Variants in KCNT2 observed in about 807,000 individuals in gnomAD.
KCNT2 encodes the protein potassium channel subfamily T member 2.
In KCNT2, 67 loss-of-function variants were observed where a neutral mutation model predicts 153.8. That is an observed-to-expected ratio of 0.44 (90% confidence interval 0.36 to 0.53). KCNT2 has a LOEUF of 0.53. KCNT2 is among the 20% of genes least tolerant of loss of function. The probability of loss-of-function intolerance (pLI) is 0.00; values close to 1 mark genes in which losing one functional copy is unlikely to be tolerated. For synonymous variants in KCNT2, 500 were observed against 458.8 expected (o/e 1.09, Z -1.15); for missense variants, 975 against 1,354.8 (o/e 0.72, Z 4.40).
intron 22 of KCNT2, among the ~76,000 whole-genome samples, chr1:196,298,897 G>A (rs1035797520): frequency 6.6e-6 from 1 of 150,554 alleles, no homozygotes; most frequent in Non-Finnish European, 1.5e-5. Flanking sequence ...CAGGGACAAA[G>A]ACCAAGTATT....
chr1:196,269,204 A>C (rs1243692198), intron 25 of KCNT2, among the ~76,000 whole-genome samples: 1 of 152,228 alleles, frequency 6.6e-6, no homozygotes, highest in African/African-American at 2.4e-5. Flanking sequence ...GTTAAGAAAG[A>C]TATCTGTGAT....
At chr1:196,330,801 G>A (rs1664385238) in intron 18 of KCNT2, among the ~76,000 whole-genome samples, 1 of 151,938 alleles carries the variant, frequency 6.6e-6, no homozygotes, top group African/African-American at 2.4e-5. Flanking sequence ...ATTCCATAAT[G>A]AGATATAAAG....
chr1:196,287,439 C>A (rs1659769464), intron 22 of KCNT2, among the ~76,000 whole-genome samples: 1 of 135,186 alleles, frequency 7.4e-6, no homozygotes. Flanking sequence ...ATTTACTCTT[C>A]AAAACAAACA....
rs1023064287 is a variant in KCNT2 at position 196,395,191 on chromosome 1, T to C, written c.1294+3372A>G. Among the ~76,000 whole-genome samples the C allele has an allele frequency of 2.6e-5, 4 of 151,646 alleles. No individual in the cohort carries two copies. In the South Asian group the frequency reaches 6.2e-4, roughly 24 times the overall value. On this transcript the variant is annotated intron_variant, in intron 13 of 27. Transcript: ENST00000294725. ...AATATTTTATATAATTTTTCAACTCTGTTAACCAATTAAGTTAGACTCTAA... is the reference window on the plus strand; with the variant it reads ...AATATTTTATATAATTTTTCAACTCCGTTAACCAATTAAGTTAGACTCTAA...
At chr1:196,263,499 TA>T (rs1280618768) in intron 25 of KCNT2, among the ~76,000 whole-genome samples, 2 of 151,822 alleles carry the variant, frequency 1.3e-5, no homozygotes, top group Non-Finnish European at 2.9e-5. Flanking sequence ...GGTGGGGGGC[TA>T]GGGGAGGGAT....
At chr1:196,414,243 A>G (rs1672572831) in intron 12 of KCNT2, among the ~76,000 whole-genome samples, 1 of 151,778 alleles carries the variant, frequency 6.6e-6, no homozygotes, top group Non-Finnish European at 1.5e-5. Context: ...ATAAAAAACT[A>G]CATTATACTC....
At chr1:196,401,982 T>C (rs913327808) in intron 12 of KCNT2, among the ~76,000 whole-genome samples, 3 of 151,332 alleles carry the variant, frequency 2.0e-5, no homozygotes, top group South Asian at 4.1e-4. Flanking sequence ...TCAAAAATCC[T>C]GAAAGCCAGA....
intron 1 of KCNT2, among the ~76,000 whole-genome samples, chr1:196,554,929 G>T (rs1572814582): frequency 6.6e-6 from 1 of 151,184 alleles, no homozygotes; most frequent in Non-Finnish European, 1.5e-5. Context: ...ACTGGATAAA[G>T]TTCAACATAC....
At chr1:196,590,591 C>A (rs1663223709) in intron 1 of KCNT2, among the ~76,000 whole-genome samples, 1 of 152,116 alleles carries the variant, frequency 6.6e-6, no homozygotes, top group East Asian at 1.9e-4. Flanking sequence ...AGGACATGCT[C>A]CTCCAGGTGA....
chr1:196,417,804 G>A (rs1163198846), intron 12 of KCNT2, among the ~76,000 whole-genome samples: 2 of 152,010 alleles, frequency 1.3e-5, no homozygotes, highest in African/African-American at 4.8e-5. Flanking sequence ...TAGGCTATAG[G>A]GTATAACCTA....
At position 196,333,102 on chromosome 1, in the gene KCNT2, T is replaced by G. The variant is rs113972142; in HGVS notation, c.1997+745A>C. On this transcript the variant is annotated intron_variant, in intron 17 of 27. Transcript: ENST00000294725. ...ACTGTGCCCAGCTGCAAGTTTTTTT[T>G]TTTTTTTGTTTGTTTGTTTAATTAA... Among the ~76,000 whole-genome samples the G allele has an allele frequency of 5.8e-3, 887 of 151,816 alleles. 10 individuals are homozygous for G. Among genetic ancestry groups the G allele is most frequent in the African/African-American group, 0.019 (799 of 41,358 alleles).
At chr1:196,355,962 A>T (rs1411107071) in intron 14 of KCNT2, among the ~76,000 whole-genome samples, 1 of 151,776 alleles carries the variant, frequency 6.6e-6, no homozygotes, top group Non-Finnish European at 1.5e-5. Flanking sequence ...GCCATTGTGC[A>T]TTTATATTAC....
intron 21 of KCNT2, among the ~76,000 whole-genome samples, chr1:196,311,937 G>A (rs1397551226): frequency 6.6e-6 from 1 of 151,712 alleles, no homozygotes; most frequent in Non-Finnish European, 1.5e-5. Context: ...TTTGTTTTGT[G>A]GGTTTAAACT....
chr1:196,349,329 T>A (rs1666416829), intron 14 of KCNT2, among the ~76,000 whole-genome samples: 1 of 152,112 alleles, frequency 6.6e-6, no homozygotes, highest in Non-Finnish European at 1.5e-5. Context: ...TTCTTTAAAA[T>A]CACATTGGAG....
chr1:196,234,060 A>G (rs1654193527), intron 27 of KCNT2, among the ~76,000 whole-genome samples: 1 of 151,378 alleles, frequency 6.6e-6, no homozygotes, highest in Admixed American at 6.6e-5. Flanking sequence ...AACATTTGGG[A>G]TATTCCTAAC....
chr1:196,571,141 C>G lies in KCNT2; in HGVS notation c.95+37074G>C, dbSNP rs1660732423. ...CATAGTACCTGAGACATGCTCAACACATATTTGTTGAAATAATAGATGTTT... is the reference window on the plus strand; with the variant it reads ...CATAGTACCTGAGACATGCTCAACAGATATTTGTTGAAATAATAGATGTTT... On this transcript the variant is annotated intron_variant, in intron 1 of 27. Transcript: ENST00000294725. Among the ~76,000 whole-genome samples, 2 of 152,172 alleles carry G rather than the reference C, an allele frequency of 1.3e-5. 1 individual carries two copies. Among genetic ancestry groups the G allele is most frequent in the South Asian group, 4.1e-4 (2 of 4,826 alleles).
At chr1:196,461,445 C>T (rs1045779678) in intron 8 of KCNT2, among the ~76,000 whole-genome samples, 1 of 151,316 alleles carries the variant, frequency 6.6e-6, no homozygotes, top group African/African-American at 2.4e-5. Flanking sequence ...ATGTTAGAAA[C>T]CCATGAAATA....
rs1427261929 is a variant in KCNT2 at position 196,271,149 on chromosome 1, T to C, written c.2910+9711A>G. On this transcript the variant is annotated intron_variant, in intron 25 of 27. Coordinates refer to ENST00000294725, the MANE Select transcript of KCNT2 (RefSeq NM_198503.5). ...AAGAAAATTTTTATGTTACATGCAA[T>C]GCTTTAATTAAAGAAAAGAATACTA... is the stretch of plus-strand genomic sequence containing the variant. Among the ~76,000 whole-genome samples the C allele has an allele frequency of 2.0e-5, 3 of 152,012 alleles. 1 individual carries two copies. Among genetic ancestry groups the C allele is most frequent in the African/African-American group, 7.2e-5 (3 of 41,420 alleles).
chr1:196,268,980 T>A (rs1426078275), intron 25 of KCNT2, among the ~76,000 whole-genome samples: 3 of 151,896 alleles, frequency 2.0e-5, no homozygotes, highest in African/African-American at 4.8e-5. Flanking sequence ...AGGTAAAAAA[T>A]AATAATAATA....
Sources: allele counts gnomAD v4.1 joint callset (sites outside exome capture counted in the v4.1 genomes callset), GRCh38; gene constraint gnomAD v4.1.1; transcripts MANE v1.5; gene names NCBI Gene and HGNC (gene_info 2026-07-23, HGNC 2026-07-21).